The following OSBPL8 variants were observed in gnomAD, a reference collection of about 807,000 sequenced individuals.
The protein encoded by OSBPL8 is oxysterol binding protein like 8.
In OSBPL8, 59 loss-of-function variants were observed where a neutral mutation model predicts 125.5. That is an observed-to-expected ratio of 0.47 (90% confidence interval 0.38 to 0.58). The LOEUF is 0.58. OSBPL8 is among the 20% of genes least tolerant of loss of function. The probability of loss-of-function intolerance (pLI) is 0.00; values close to 1 mark genes in which losing one functional copy is unlikely to be tolerated. For synonymous variants in OSBPL8, 330 were observed against 338.9 expected (o/e 0.97, Z 0.29); for missense variants, 758 against 1,047.8 (o/e 0.72, Z 3.82).
intron 4 of OSBPL8, among the ~76,000 whole-genome samples, chr12:76,418,162 C>T (rs995686823): frequency 5.3e-5 from 8 of 151,878 alleles, no homozygotes; most frequent in African/African-American, 9.7e-5. Flanking sequence ...CACACCACCA[C>T]GTCCAGCTCA....
rs1182677914 is a variant in OSBPL8, at chr12:76,352,219, T to C, written c.*3670A>G. On this transcript the variant is annotated 3_prime_UTR_variant, in exon 24 of 24. Transcript: ENST00000261183. ...CTTTAAGTGAAAAATTTTGATACTG[T>C]AAAACAGTTTTACATAATAAATGCA... 6.6e-6 allele frequency: 1 copy of C among 152,550 alleles called. No individual in the cohort carries two copies. The highest frequency in any genetic ancestry group is 6.5e-5 in the Admixed American group (1 of 15,276). 9.4% of individuals were successfully genotyped at this position (152,550 alleles called of 1,614,324 possible).
chr12:76,516,630 A>C (rs149191019), intron 1 of OSBPL8, among the ~76,000 whole-genome samples: 109 of 152,292 alleles, frequency 7.2e-4, no homozygotes, highest in Admixed American at 4.4e-3. Flanking sequence ...TAAAACACAA[A>C]AGAGAAAAAG....
chr12:76,390,043 A>G lies in OSBPL8; in HGVS notation c.1168-214T>C, dbSNP rs535491650. On this transcript the variant is annotated intron_variant, in intron 11 of 23. Coordinates refer to ENST00000261183, the MANE Select transcript of OSBPL8 (RefSeq NM_020841.5). ...CATCAAAGTGAACAATATATACAAG[A>G]GATCCACTACAAAAATATTATAGCC... 9.6e-6 allele frequency: 4 copies of G among 417,216 alleles called. No homozygotes were observed. In the South Asian group the frequency reaches 3.4e-4, roughly 35 times the overall value. 25.8% of individuals were successfully genotyped at this position (417,216 alleles called of 1,614,324 possible).
At chr12:76,394,087 T>C (rs1041219097) in intron 9 of OSBPL8, among the ~76,000 whole-genome samples, 1 of 152,164 alleles carries the variant, frequency 6.6e-6, no homozygotes, top group Non-Finnish European at 1.5e-5. Flanking sequence ...GAAGATTCCC[T>C]ATACCAACCT....
At chr12:76,368,038 T>G (rs1350806806) in intron 21 of OSBPL8, among the ~76,000 whole-genome samples, 1 of 152,252 alleles carries the variant, frequency 6.6e-6, no homozygotes, top group Non-Finnish European at 1.5e-5. Flanking sequence ...TCTTTATTTC[T>G]TCATACAGCT....
chr12:76,498,443 G>A (rs1879511419), intron 1 of OSBPL8, among the ~76,000 whole-genome samples: 1 of 152,186 alleles, frequency 6.6e-6, no homozygotes, highest in South Asian at 2.1e-4. Context: ...GTGCAAGCAC[G>A]CACCTCTCAC....
At chr12:76,482,451 T>C (rs972061819) in intron 2 of OSBPL8, among the ~76,000 whole-genome samples, 5 of 152,112 alleles carry the variant, frequency 3.3e-5, no homozygotes, top group Non-Finnish European at 1.5e-5. Flanking sequence ...CCGTCTCTAC[T>C]AAAAATACAA....
chr12:76,516,846 G>A (rs61390584), intron 1 of OSBPL8, among the ~76,000 whole-genome samples: 1 of 145,634 alleles, frequency 6.9e-6, no homozygotes, highest in South Asian at 2.2e-4. Context: ...ATGGAGACTA[G>A]CTCTGTTGTT....
chr12:76,386,366 G>C (rs1253915483), intron 13 of OSBPL8, 100 bp from the exon 14 acceptor site: 22 of 1,414,150 alleles, frequency 1.6e-5, no homozygotes, highest in African/African-American at 4.4e-5. Context: ...TCTGGGAACC[G>C]TCCTTATAAA....
Position 76,384,305 on chromosome 12 carries a change from T to C in OSBPL8, c.1579A>G (p.Lys527Glu). The C allele has an allele frequency of 1.3e-6, 2 of 1,571,706 alleles. No homozygotes were observed. Among genetic ancestry groups the C allele is most frequent in the Non-Finnish European group, 1.7e-6 (2 of 1,152,712 alleles). Residue 527 changes from lysine (K) to glutamate (E), a missense_variant, in exon 15 of 24, where the codon AAA (lysine) becomes GAA (glutamate). This residue lies in a region of OSBPL8 where 572 missense variants were observed against 762.0 expected (regional missense o/e 0.75). Coordinates refer to ENST00000261183, the MANE Select transcript of OSBPL8 (RefSeq NM_020841.5). ...PISAFYVSNR[K>E]DGFCLSGSIL... ...CTACCGCTAAGGCAAAATCCATCTTTTCGATTACTAACATAAAAGGCAGAT... is the reference window on the plus strand; with the variant it reads ...CTACCGCTAAGGCAAAATCCATCTTCTCGATTACTAACATAAAAGGCAGAT...
chr12:76,517,180 C>G (rs185581057), intron 1 of OSBPL8, among the ~76,000 whole-genome samples: 179 of 152,228 alleles, frequency 1.2e-3, no homozygotes, highest in African/African-American at 4.2e-3. Flanking sequence ...ACACCAAACT[C>G]CATATTTATG....
chr12:76,406,555 C>T (rs1305040369), intron 5 of OSBPL8, among the ~76,000 whole-genome samples: 2 of 152,088 alleles, frequency 1.3e-5, no homozygotes, highest in South Asian at 2.1e-4. Context: ...TCTGATTAAC[C>T]GACTTTTCCA....
intron 4 of OSBPL8, among the ~76,000 whole-genome samples, chr12:76,448,721 A>T (rs534285585): frequency 6.6e-6 from 1 of 152,346 alleles, no homozygotes; most frequent in African/African-American, 2.4e-5. Context: ...TTTTCTATTG[A>T]AATAAAGTAG....
intron 1 of OSBPL8, among the ~76,000 whole-genome samples, chr12:76,530,543 A>C (rs907484420): frequency 6.6e-6 from 1 of 152,064 alleles, no homozygotes; most frequent in Non-Finnish European, 1.5e-5. Flanking sequence ...TCTTTTTACC[A>C]ACTACTTTTT....
chr12:76,384,587 A>C (rs974702771), intron 14 of OSBPL8, among the ~76,000 whole-genome samples: 5 of 152,100 alleles, frequency 3.3e-5, no homozygotes, highest in Admixed American at 2.0e-4. Flanking sequence ...ATTGTACTGA[A>C]GTTGGTTTGT....
intron 9 of OSBPL8, among the ~76,000 whole-genome samples, chr12:76,393,259 A>T (rs1953640732): frequency 1.3e-5 from 2 of 152,296 alleles, no homozygotes; most frequent in African/African-American, 4.8e-5. Flanking sequence ...TAATAGTTTT[A>T]TTTTTTAAGT....
intron 13 of OSBPL8, 138 bp from the exon 14 acceptor site, chr12:76,386,404 A>G (rs1953315830): frequency 3.7e-6 from 5 of 1,343,748 alleles, no homozygotes; most frequent in Non-Finnish European, 4.9e-6. Context: ...ATTTACATTA[A>G]ATAAAATTAA....
chr12:76,501,305 T>C (rs1477948570), intron 1 of OSBPL8, among the ~76,000 whole-genome samples: 3 of 152,146 alleles, frequency 2.0e-5, no homozygotes, highest in Non-Finnish European at 4.4e-5. Flanking sequence ...ACATGTAAGC[T>C]GGGGGTCAGC....
chr12:76,359,666 G>A (rs986801768), intron 21 of OSBPL8, among the ~76,000 whole-genome samples: 4 of 152,136 alleles, frequency 2.6e-5, no homozygotes, highest in Non-Finnish European at 4.4e-5. Context: ...TGCAGAGGTC[G>A]CAAAATCATG....
Sources: allele counts gnomAD v4.1 joint callset (sites outside exome capture counted in the v4.1 genomes callset), GRCh38; gene constraint gnomAD v4.1.1; regional missense constraint gnomAD v4.1.1; transcripts MANE v1.5; gene names NCBI Gene and HGNC (gene_info 2026-07-23, HGNC 2026-07-21).